Variants in RAPGEF4 observed in about 807,000 individuals in gnomAD.
RAPGEF4 encodes the protein Rap guanine nucleotide exchange factor 4, also known as RAP guanine-nucleotide-exchange factor (GEF) 4.
Under a neutral mutation model 147.9 loss-of-function variants are expected in RAPGEF4, and 66 were observed. That is an observed-to-expected ratio of 0.45 (90% CI 0.37 to 0.55). The LOEUF is 0.55. Among genes scored for constraint, RAPGEF4 ranks in the 20% least tolerant of loss-of-function variants. The pLI, the probability that RAPGEF4 is intolerant of heterozygous loss-of-function variation, is 0.00. For missense variants in RAPGEF4, 1,071 were observed against 1,257.3 expected, an observed-to-expected ratio of 0.85 and a Z score of 2.24; for synonymous variants, 419 against 442.7, an observed-to-expected ratio of 0.95 and a Z score of 0.67.
At chr2:172,918,073 TAG>T in intron 5 of RAPGEF4, 199 bp downstream of exon 5, 1 of 733,300 alleles carries the variant, frequency 1.4e-6, no homozygotes, top group Non-Finnish European at 2.5e-6. Flanking sequence ...TCTTAGCTGA[TAG>T]AGAGAGGTAT....
chr2:173,018,863 C>A, intron 22 of RAPGEF4, 61 bp downstream of exon 22: 1 of 1,572,690 alleles, frequency 6.4e-7, no homozygotes, highest in Non-Finnish European at 8.7e-7. Context: ...CAAGCAGAAA[C>A]TATGTAAGGA....
At chr2:172,819,816 T>A (rs1296140498) in intron 4 of RAPGEF4, among the ~76,000 whole-genome samples, 1 of 152,178 alleles carries the variant, frequency 6.6e-6, no homozygotes, top group Non-Finnish European at 1.5e-5. Flanking sequence ...TCTTTGACAC[T>A]AGTGGCATTT....
At chr2:172,803,498 T>C (rs541183442) in intron 3 of RAPGEF4, among the ~76,000 whole-genome samples, 7 of 152,214 alleles carry the variant, frequency 4.6e-5, no homozygotes, top group Non-Finnish European at 8.8e-5. Flanking sequence ...ACCAGTACCC[T>C]GGGCTTGGCC....
chr2:172,831,285 T>TTTTTTTTTTTTTTTG (rs1690303455), intron 4 of RAPGEF4, among the ~76,000 whole-genome samples: 1 of 142,218 alleles, frequency 7.0e-6, no homozygotes, highest in African/African-American at 2.6e-5. Flanking sequence ...TTTTTTTTTT[T>TTTTTTTTTTTTTTTG]GAGACAGAGT....
chr2:172,965,921 C>T (rs191097911), intron 9 of RAPGEF4, among the ~76,000 whole-genome samples: 1 of 152,304 alleles, frequency 6.6e-6, no homozygotes, highest in East Asian at 1.9e-4. Context: ...GAAATTGCAG[C>T]CCGAGTGCAT....
rs1574632512 is a variant in RAPGEF4 at position 172,735,947 on chromosome 2, T to G, written c.-37T>G. ...GCGCAGGCAGAGCGAGCGCGGGAGG[T>G]CGCCGCAGCCAGGGACACCGCGCGC... On this transcript the variant is annotated 5_prime_UTR_variant, in exon 1 of 31. Transcript: ENST00000397081. 1 of 1,424,140 alleles carries G rather than the reference T, an allele frequency of 7.0e-7. No homozygotes were observed. The highest frequency in any genetic ancestry group is 9.2e-7 in the Non-Finnish European group (1 of 1,084,580). 88.2% of individuals were successfully genotyped at this position (1,424,140 alleles called of 1,614,324 possible). A position where few individuals can be genotyped will look rare whatever the true frequency, so the allele number is the denominator to read the frequency against.
intron 1 of RAPGEF4, among the ~76,000 whole-genome samples, chr2:172,768,683 T>C (rs1160255523): frequency 1.3e-5 from 2 of 152,278 alleles, no homozygotes; most frequent in East Asian, 1.9e-4. Flanking sequence ...TTCTGGGGAT[T>C]CCCATATAAC....
rs147657336 is a variant in RAPGEF4, at chr2:172,867,861, T to C, written c.445-49941T>C. 3.6e-3 allele frequency among the ~76,000 whole-genome samples: 551 copies of C among 152,364 alleles called. 6 individuals carry two copies. Among genetic ancestry groups the C allele is most frequent in the African/African-American group, 0.013 (521 of 41,586 alleles). On this transcript the variant is annotated intron_variant, in intron 4 of 30. Coordinates refer to ENST00000397081, the MANE Select transcript of RAPGEF4 (RefSeq NM_007023.4). ...CCTAATTACATTTTGGAAAAGTTTC[T>C]TGTGACAGAGAAGAAGTCTGATGAT...
At chr2:172,753,802 T>C (rs1695514918) in intron 1 of RAPGEF4, among the ~76,000 whole-genome samples, 1 of 152,060 alleles carries the variant, frequency 6.6e-6, no homozygotes, top group Non-Finnish European at 1.5e-5. Context: ...ACATAATTGC[T>C]ACCAACACAT....
At chr2:173,046,251 G>T (rs1685455023) in intron 29 of RAPGEF4, among the ~76,000 whole-genome samples, 1 of 152,128 alleles carries the variant, frequency 6.6e-6, no homozygotes, top group Non-Finnish European at 1.5e-5. Context: ...TGAACTTCAG[G>T]GCTGGAAATT....
chr2:172,929,840 A>G (rs1685740315), intron 6 of RAPGEF4, among the ~76,000 whole-genome samples: 1 of 152,168 alleles, frequency 6.6e-6, no homozygotes, highest in African/African-American at 2.4e-5. Flanking sequence ...AGGAGCTCTT[A>G]GGGTTTCAGT....
chr2:172,739,947 A>G (rs191610555), intron 1 of RAPGEF4, among the ~76,000 whole-genome samples: 2 of 152,402 alleles, frequency 1.3e-5, no homozygotes. Flanking sequence ...ATGGTTGGAA[A>G]TAAATCAAAA....
chr2:172,826,208 C>T (rs1420221691), intron 4 of RAPGEF4, among the ~76,000 whole-genome samples: 1 of 152,230 alleles, frequency 6.6e-6, no homozygotes, highest in Non-Finnish European at 1.5e-5. Context: ...CTGAGTGAAA[C>T]CATCCAGTAG....
chr2:172,996,599 G>A lies in RAPGEF4; in HGVS notation c.1579+45G>A, dbSNP rs750182648. 40 of 1,322,842 alleles carry A rather than the reference G, an allele frequency of 3.0e-5. No individual in the cohort carries two copies. In the South Asian group the frequency reaches 4.3e-4, roughly 14 times the overall value. The allele number at this position is 1,322,842 out of a possible 1,614,324, so 81.9% of individuals were successfully genotyped here. A position where few individuals can be genotyped will look rare whatever the true frequency, so the allele number is the denominator to read the frequency against. On this transcript the variant is annotated intron_variant, in intron 16 of 30. Coordinates refer to ENST00000397081, the MANE Select transcript of RAPGEF4 (RefSeq NM_007023.4). ...TGCATGTCCATTAAATCCATGCATA[G>A]CATTGTTTAAAAGTCCTGAATTCAT... is the stretch of plus-strand genomic sequence containing the variant.
intron 4 of RAPGEF4, among the ~76,000 whole-genome samples, chr2:172,873,451 G>A (rs1695485367): frequency 6.6e-6 from 1 of 152,090 alleles, no homozygotes; most frequent in Admixed American, 6.6e-5. Flanking sequence ...TCTTACAAAG[G>A]ATACAAGAGC....
At position 172,990,943 on chromosome 2, in the gene RAPGEF4, A is replaced by C. The variant is rs1301495411; in HGVS notation, c.1490+18A>C. Reference sequence around the variant, plus strand: ...CAGCAAAAGTATGTTTGCATCCAACACTGTAATTGCCAGACTATGATTAAC... The same window carrying C: ...CAGCAAAAGTATGTTTGCATCCAACCCTGTAATTGCCAGACTATGATTAAC... On this transcript the variant is annotated intron_variant, in intron 15 of 30. Coordinates refer to ENST00000397081, the MANE Select transcript of RAPGEF4 (RefSeq NM_007023.4). 2.0e-6 allele frequency: 3 copies of C among 1,532,914 alleles called. No homozygotes were observed. Among genetic ancestry groups the C allele is most frequent in the East Asian group, 4.5e-5 (2 of 44,416 alleles). 95.0% of individuals were successfully genotyped at this position (1,532,914 alleles called of 1,614,324 possible).
intron 4 of RAPGEF4, among the ~76,000 whole-genome samples, chr2:172,815,129 A>G (rs1574926964): frequency 6.6e-6 from 1 of 152,348 alleles, no homozygotes; most frequent in East Asian, 1.9e-4. Context: ...TCAGTTCTTT[A>G]AGCCTCTGAT....
At position 173,020,715 on chromosome 2, in the gene RAPGEF4, G is replaced by C; in HGVS notation, c.2253G>C (p.Leu751=). 3 of 1,611,954 alleles carry C rather than the reference G, an allele frequency of 1.9e-6. No individual in the cohort carries two copies. The highest frequency in any genetic ancestry group is 2.5e-6 in the Non-Finnish European group (3 of 1,178,356). The change falls in exon 23 of 31, where the codon CTG becomes CTC. Residue 751 remains leucine, a splice_region_variant and synonymous_variant. Transcript: ENST00000397081. ...FACPREQFDS[L]TPLPEQEGPT... ...GCCCGCGAGAGCAATTCGATTCACT[G>C]GTAGGTGTGGATGGCCTGCTCAGAG...
rs11397728 is a variant in RAPGEF4, at chr2:173,001,993, C to CAAAAAAAAA, written c.1658+663_1658+671dup. Among the ~76,000 whole-genome samples, 36 of 79,314 alleles carry CAAAAAAAAA rather than the reference C, an allele frequency of 4.5e-4. 5 individuals carry two copies. The East Asian group carries it at 0.014, about 31-fold the overall frequency. The allele number at this position is 79,314 out of a possible 152,430, so 52.0% of individuals were successfully genotyped here. Reference sequence around the variant, plus strand: ...GCTTACCACAGGAAGGTGATGCTGGCAAAAAAAAAAAAAAAAAAAAAATCC... The same window carrying CAAAAAAAAA: ...GCTTACCACAGGAAGGTGATGCTGGCAAAAAAAAAAAAAAAAAAAAAAAAAAAAAAATCC... On this transcript the variant is annotated intron_variant, in intron 17 of 30. Transcript: ENST00000397081.
Sources: gnomAD v4.1 joint callset for allele counts (sites outside exome capture counted in the v4.1 genomes callset) on GRCh38, gnomAD v4.1.1 for gene constraint, MANE v1.5 for transcripts, NCBI Gene and HGNC (gene_info 2026-07-23, HGNC 2026-07-21) for gene names.